ZMYM4: variants seen among roughly 807,000 people sequenced by gnomAD.
ZMYM4 encodes zinc finger MYM-type containing 4.
ZMYM4 carries 31 observed loss-of-function variants against 183.2 expected under a neutral mutation model. That is an observed-to-expected ratio of 0.17 (90% CI 0.13 to 0.23). The LOEUF (loss-of-function observed/expected upper bound fraction) is 0.23. Ranked by LOEUF, ZMYM4 falls within the 10% of genes least tolerant of loss-of-function variation. The pLI, the probability that ZMYM4 is intolerant of heterozygous loss-of-function variation, is 1.00. For missense variants in ZMYM4, 1,273 were observed against 1,840.3 expected (o/e 0.69, Z 5.64); for synonymous variants, 592 against 631.2 (o/e 0.94, Z 0.93).
intron 3 of ZMYM4, among the ~76,000 whole-genome samples, chr1:35,360,852 T>C (rs1403309560): frequency 6.6e-6 from 1 of 151,946 alleles, no homozygotes; most frequent in Non-Finnish European, 1.5e-5. Flanking sequence ...TCTGGAAAAC[T>C]GTATAAAGAT....
At chr1:35,283,399 G>T (rs372743570) in intron 1 of ZMYM4, among the ~76,000 whole-genome samples, 2 of 134,866 alleles carry the variant, frequency 1.5e-5, no homozygotes, top group Admixed American at 7.7e-5. Flanking sequence ...GTGCAGTGGC[G>T]CAATCTCAGC....
At chr1:35,327,563 T>C (rs1642559184) in intron 2 of ZMYM4, among the ~76,000 whole-genome samples, 1 of 152,236 alleles carries the variant, frequency 6.6e-6, no homozygotes, top group South Asian at 2.1e-4. Flanking sequence ...CTGACTATGT[T>C]ATTTGATATT....
chr1:35,351,506 A>G, intron 2 of ZMYM4: 1 of 1,452,732 alleles, frequency 6.9e-7, no homozygotes, highest in Non-Finnish European at 9.5e-7. Context: ...AAAAAAGAAG[A>G]GGTGGAACCA....
chr1:35,352,386 G>GCACACA (rs374281470), intron 2 of ZMYM4, among the ~76,000 whole-genome samples: 2,226 of 128,432 alleles, frequency 0.017, 86 homozygotes, highest in African/African-American at 0.053. Flanking sequence ...AAAAATTAGC[G>GCACACA]CACACACACA....
At chr1:35,292,605 C>G (rs1182392876) in intron 1 of ZMYM4, 2 of 152,304 alleles carry the variant, frequency 1.3e-5, no homozygotes, top group African/African-American at 2.4e-5. Context: ...TCAAGCAATT[C>G]TCCTGCCTCA....
intron 7 of ZMYM4, among the ~76,000 whole-genome samples, chr1:35,373,699 G>T (rs929142421): frequency 7.1e-6 from 1 of 140,564 alleles, no homozygotes; most frequent in Non-Finnish European, 1.6e-5. Flanking sequence ...GGCCCTGCAC[G>T]GCTAATTTTT....
chr1:35,277,803 C>G (rs1216653092), intron 1 of ZMYM4, among the ~76,000 whole-genome samples: 2 of 152,008 alleles, frequency 1.3e-5, no homozygotes. Flanking sequence ...TGAATTGATG[C>G]CCGCCCTCAC....
At chr1:35,313,869 G>A (rs908023794) in intron 1 of ZMYM4, among the ~76,000 whole-genome samples, 3 of 152,128 alleles carry the variant, frequency 2.0e-5, no homozygotes, top group Non-Finnish European at 4.4e-5. Flanking sequence ...GAGCCTGAAA[G>A]GGCCGGTCTT....
At chr1:35,296,220 G>T (rs1048413296) in intron 1 of ZMYM4, among the ~76,000 whole-genome samples, 5 of 152,200 alleles carry the variant, frequency 3.3e-5, no homozygotes, top group Non-Finnish European at 7.3e-5. Flanking sequence ...GGTGGTAGGT[G>T]TGCAGGTTGC....
At chr1:35,332,813 A>G (rs1570372115) in intron 2 of ZMYM4, among the ~76,000 whole-genome samples, 1 of 151,632 alleles carries the variant, frequency 6.6e-6, no homozygotes, top group Non-Finnish European at 1.5e-5. Context: ...TCCTGCCTCA[A>G]CCTCCCAGGT....
chr1:35,404,956 G>C, intron 23 of ZMYM4, 67 bp from the exon 24 acceptor site: 1 of 1,473,712 alleles, frequency 6.8e-7, no homozygotes. Context: ...TTCCAGCTTT[G>C]AGAACCCTGA....
rs775211352 is a variant in ZMYM4 at position 35,282,980 on chromosome 1, GTTTTTTTTTTTTTTTTT to G, written c.39+13915_39+13931del. 4.3e-3 allele frequency among the ~76,000 whole-genome samples: 114 copies of G among 26,254 alleles called. 1 individual carries two copies. The highest frequency in any genetic ancestry group is 5.5e-3 in the African/African-American group (58 of 10,636). 17.2% of individuals were successfully genotyped at this position (26,254 alleles called of 152,430 possible). On this transcript the variant is annotated intron_variant, in intron 1 of 29. Transcript: ENST00000314607. ...ATACTTGTTGTTTTCTGTGTGTGTG[GTTTTTTTTTTTTTTTTT>G]TTTTTTTTTTTTTTTTTTTGAGACA...
At chr1:35,346,031 T>C (rs1352454069) in intron 2 of ZMYM4, among the ~76,000 whole-genome samples, 1 of 152,270 alleles carries the variant, frequency 6.6e-6, no homozygotes, top group East Asian at 1.9e-4. Flanking sequence ...AGTGGAATCA[T>C]GCAGTGTTTA....
intron 2 of ZMYM4, among the ~76,000 whole-genome samples, chr1:35,355,200 CTTTTT>C (rs1013941289): frequency 7.8e-5 from 6 of 77,196 alleles, no homozygotes; most frequent in South Asian, 5.3e-4. Flanking sequence ...CGCCTGGCTT[CTTTTT>C]TTTTTTTTTT....
At chr1:35,375,635 A>AT (rs1644318659) in intron 7 of ZMYM4, among the ~76,000 whole-genome samples, 1 of 152,256 alleles carries the variant, frequency 6.6e-6, no homozygotes, top group African/African-American at 2.4e-5. Flanking sequence ...GAAGAAGCTC[A>AT]TTAGCTATTC....
At chr1:35,270,645 A>G (rs1639548993) in intron 1 of ZMYM4, among the ~76,000 whole-genome samples, 1 of 152,134 alleles carries the variant, frequency 6.6e-6, no homozygotes, top group Non-Finnish European at 1.5e-5. Context: ...CTGTAATCCC[A>G]GCTATTCGGG....
chr1:35,412,090 A>G (rs1264827794), intron 26 of ZMYM4, among the ~76,000 whole-genome samples: 1 of 148,332 alleles, frequency 6.7e-6, no homozygotes, highest in African/African-American at 2.5e-5. Flanking sequence ...ACAGGGTTTC[A>G]CCGTGGTCTC....
intron 2 of ZMYM4, among the ~76,000 whole-genome samples, chr1:35,347,358 T>C (rs1220399142): frequency 2.6e-5 from 4 of 152,222 alleles, no homozygotes; most frequent in Non-Finnish European, 2.9e-5. Flanking sequence ...GCAGATAGTA[T>C]GAGCTCTAGT....
intron 2 of ZMYM4, among the ~76,000 whole-genome samples, chr1:35,352,461 C>T (rs541430940): frequency 1.3e-5 from 2 of 152,074 alleles, no homozygotes; most frequent in South Asian, 4.2e-4. Flanking sequence ...TATTAAGGGC[C>T]TCTGAATAGT....
Sources: gnomAD v4.1 joint callset for allele counts (sites outside exome capture counted in the v4.1 genomes callset) on GRCh38, gnomAD v4.1.1 for gene constraint, MANE v1.5 for transcripts, NCBI Gene and HGNC (gene_info 2026-07-23, HGNC 2026-07-21) for gene names.